B4GALNT2: variants seen among roughly 807,000 people sequenced by gnomAD.
B4GALNT2 encodes the protein N-acetylneuraminylgalactosylglucosyl-glucoside beta-1,4-N- acetylgalactosaminyltransferase 2.
B4GALNT2 carries 42 observed loss-of-function variants against 51.1 expected under a neutral mutation model. The observed-to-expected ratio is 0.82, with a 90% CI of 0.64 to 1.06. The LOEUF (loss-of-function observed/expected upper bound fraction) is 1.06. Ranked by LOEUF, B4GALNT2 falls within the 50% of genes least tolerant of loss-of-function variation. The pLI, the probability that B4GALNT2 is intolerant of heterozygous loss-of-function variation, is 0.00. For missense variants in B4GALNT2, 602 were observed against 633.6 expected (o/e 0.95, Z 0.54); for synonymous variants, 253 against 251.7 (o/e 1.01, Z -0.05).
At chr17:49,153,526 C>T (rs1395157206) in intron 4 of B4GALNT2, among the ~76,000 whole-genome samples, 4 of 148,452 alleles carry the variant, frequency 2.7e-5, no homozygotes, top group Admixed American at 1.3e-4. Context: ...TTTTTTATTG[C>T]GACGGAGTCT....
intron 1 of B4GALNT2, among the ~76,000 whole-genome samples, chr17:49,140,950 C>A (rs886354993): frequency 9.9e-5 from 15 of 151,988 alleles, no homozygotes; most frequent in Admixed American, 9.8e-4. Context: ...ATTTCTTGAC[C>A]GCGTGATCCG....
In B4GALNT2 at chr17:49,146,450, A is replaced by T. The variant is rs531095457; in HGVS notation, c.353+4278A>T. Among the ~76,000 whole-genome samples the T allele has an allele frequency of 3.3e-5, 5 of 152,274 alleles. No homozygotes were observed. The South Asian group carries it at 1.0e-3, about 32-fold the overall frequency. ...CTTAGCCACCCGAGTAGTTGGGATTAAAGGTGCACGCCACCACTCCCTGTT... is the reference window on the plus strand; with the variant it reads ...CTTAGCCACCCGAGTAGTTGGGATTTAAGGTGCACGCCACCACTCCCTGTT... On this transcript the variant is annotated intron_variant, in intron 3 of 10. Coordinates refer to ENST00000393354, the MANE Select transcript of B4GALNT2 (RefSeq NM_001159387.2).
In B4GALNT2 at chr17:49,147,306, C is replaced by T. The variant is rs1324622689; in HGVS notation, c.353+5134C>T. 3.3e-5 allele frequency among the ~76,000 whole-genome samples: 5 copies of T among 152,008 alleles called. No individual in the cohort carries two copies. In the South Asian group the frequency reaches 6.2e-4, roughly 19 times the overall value. On this transcript the variant is annotated intron_variant, in intron 3 of 10. Coordinates refer to ENST00000393354, the MANE Select transcript of B4GALNT2 (RefSeq NM_001159387.2). ...AAAAAGCAGCATGTGTAATGCTCCT[C>T]TAAGAAAAAGTTCATTTTTTTCCTC...
At chr17:49,136,343 T>C (rs991738686) in intron 1 of B4GALNT2, among the ~76,000 whole-genome samples, 5 of 151,800 alleles carry the variant, frequency 3.3e-5, no homozygotes, top group African/African-American at 7.2e-5. Context: ...TAGAAACATG[T>C]TCATTTAATA....
chr17:49,138,153 T>C (rs113528912), intron 1 of B4GALNT2, among the ~76,000 whole-genome samples: 17 of 152,344 alleles, frequency 1.1e-4, no homozygotes, highest in African/African-American at 4.1e-4. Flanking sequence ...TTAATCTCTC[T>C]AAATTTCCTA....
intron 3 of B4GALNT2, among the ~76,000 whole-genome samples, chr17:49,145,810 G>A (rs756712551): frequency 6.6e-6 from 1 of 152,104 alleles, no homozygotes; most frequent in Non-Finnish European, 1.5e-5. Flanking sequence ...TTGATAGCCC[G>A]GGTCAATCAC....
the B4GALNT2 span, among the ~76,000 whole-genome samples, chr17:49,126,624 G>A: frequency 5.2e-4 from 72 of 137,188 alleles, no homozygotes; most frequent in Non-Finnish European, 1.1e-3. Flanking sequence ...CTTTTAAATC[G>A]TACATTTCTT....
chr17:49,160,712 A>G, intron 7 of B4GALNT2, 71 bp downstream of exon 7: 1 of 1,348,904 alleles, frequency 7.4e-7, no homozygotes, highest in Non-Finnish European at 1.1e-6. Context: ...AGAAGGGATC[A>G]CCTCTGAGAC....
rs1165157982 is a variant in B4GALNT2 at position 49,169,835 on chromosome 17, T to A, written c.*107T>A. On this transcript the variant is annotated 3_prime_UTR_variant, in exon 11 of 11. Transcript: ENST00000393354. ...GTGAACGTTGTACCAAACCAGCTGG[T>A]GGGTAGGGAAAAGGGAAATGGCTCA... The A allele has an allele frequency of 8.9e-7, 1 of 1,125,820 alleles. No individual in the cohort carries two copies. The highest frequency in any genetic ancestry group is 2.7e-5 in the East Asian group (1 of 37,316). 69.7% of individuals were successfully genotyped at this position (1,125,820 alleles called of 1,614,324 possible). A position where few individuals can be genotyped will look rare whatever the true frequency, so the allele number is the denominator to read the frequency against.
At position 49,160,636 on chromosome 17, in the gene B4GALNT2, G is replaced by A. The variant is rs2042855484; in HGVS notation, c.761G>A (p.Gly254Glu). 1 of 1,613,798 alleles carries A rather than the reference G, an allele frequency of 6.2e-7. No homozygotes were observed. The highest frequency in any genetic ancestry group is 1.7e-5 in the Admixed American group (1 of 60,000). Residue 254 changes from glycine to glutamate, a missense_variant, in exon 7 of 11, where the codon GGA (glycine) becomes GAA (glutamate). Transcript: ENST00000393354. ...GTCATACCCAAGCTATACGACCCTG[G>A]ACCAGGTAAGGCCCTTGTCCTTGGG... ...HPVIPKLYDP[G>E]PERKLRNLVT...
chr17:49,154,010 C>CT lies in B4GALNT2; in HGVS notation c.460+1116dup, dbSNP rs999131987. 3.3e-3 allele frequency among the ~76,000 whole-genome samples: 460 copies of CT among 139,550 alleles called. 3 individuals are homozygous for CT. Among genetic ancestry groups the CT allele is most frequent in the African/African-American group, 9.7e-3 (360 of 37,278 alleles). 91.6% of individuals were successfully genotyped at this position (139,550 alleles called of 152,430 possible). ...AACATAAGCCACTCTGTAAAAAGTG[C>CT]TTTTTTTTTTTTGGGGACGGAGTCT... is the stretch of plus-strand genomic sequence containing the variant. On this transcript the variant is annotated intron_variant, in intron 4 of 10. Transcript: ENST00000393354.
intron 1 of B4GALNT2, among the ~76,000 whole-genome samples, chr17:49,135,772 G>C (rs2042584508): frequency 6.6e-6 from 1 of 151,384 alleles, no homozygotes. Flanking sequence ...CTCTAAAAAA[G>C]GAAAATCCTG....
intron 1 of B4GALNT2, among the ~76,000 whole-genome samples, chr17:49,140,565 T>C (rs1187046555): frequency 6.6e-6 from 1 of 152,204 alleles, no homozygotes; most frequent in African/African-American, 2.4e-5. Context: ...TATCCTGCCA[T>C]TTTTTACTTT....
rs1308537529 is a variant in B4GALNT2, at chr17:49,168,873, C to T, written c.1288C>T (p.Pro430Ser). The T allele has an allele frequency of 6.2e-7, 1 of 1,612,760 alleles. No individual in the cohort carries two copies. Among genetic ancestry groups the T allele is most frequent in the Non-Finnish European group, 8.5e-7 (1 of 1,179,958 alleles). ...GCGACTCCAAAGAGTTGGCTTTGAT[C>T]CCCGCCTGCAACGAGTGGCTCACTC... ...TERLQRVGFDPRLQRVAHSEF... is the reference protein window; with the variant it reads ...TERLQRVGFDSRLQRVAHSEF... The change falls in exon 10 of 11, where the codon CCC becomes TCC. Residue 430 changes from proline to serine, a missense_variant. Coordinates refer to ENST00000393354, the MANE Select transcript of B4GALNT2 (RefSeq NM_001159387.2).
chr17:49,144,742 G>A (rs901955894), intron 3 of B4GALNT2, among the ~76,000 whole-genome samples: 1 of 152,088 alleles, frequency 6.6e-6, no homozygotes, highest in African/African-American at 2.4e-5. Flanking sequence ...TATTAGTCAG[G>A]GTTTTCTTAG....
At chr17:49,168,215 T>TGCA (rs1411851811) in intron 9 of B4GALNT2, among the ~76,000 whole-genome samples, 1 of 152,102 alleles carries the variant, frequency 6.6e-6, no homozygotes, top group Non-Finnish European at 1.5e-5. Context: ...CTTCCATGAG[T>TGCA]GCATGGATAG....
chr17:49,131,079 T>C (rs559705092), upstream of B4GALNT2, among the ~76,000 whole-genome samples: 4 of 152,296 alleles, frequency 2.6e-5, no homozygotes, highest in African/African-American at 9.6e-5. Context: ...GAATGAGTCA[T>C]GAAAGATCTC....
intron 4 of B4GALNT2, among the ~76,000 whole-genome samples, chr17:49,155,752 C>T (rs998534970): frequency 3.3e-5 from 5 of 151,354 alleles, no homozygotes; most frequent in Non-Finnish European, 7.4e-5. Context: ...GAGACGCAGT[C>T]TTGCTCTGTC....
At position 49,141,281 on chromosome 17, in the gene B4GALNT2, A is replaced by C. The variant is rs577341474; in HGVS notation, c.49A>C (p.Ile17Leu). The C allele has an allele frequency of 9.2e-5, 148 of 1,614,052 alleles. 1 individual carries two copies. The highest frequency in any genetic ancestry group is 1.0e-4 in the Non-Finnish European group (120 of 1,180,012). The stretch of plus-strand genomic sequence containing the variant: ...TCTGTGGCTCCTCAAGATATTGGTC[A>C]TAATCCTGGTACTTGGCATTGTTGG... ...RFLWLLKILV[I>L]ILVLGIVGFM... Residue 17 changes from isoleucine (I) to leucine (L), a missense_variant, in exon 2 of 11, where the codon ATA (isoleucine) becomes CTA (leucine). Physicochemically the swap from Ile to Leu is conservative, Grantham distance 5. Transcript: ENST00000393354.
Sources: gnomAD v4.1 joint callset for allele counts (sites outside exome capture counted in the v4.1 genomes callset) on GRCh38, gnomAD v4.1.1 for gene constraint, MANE v1.5 for transcripts, NCBI Gene and HGNC (gene_info 2026-07-23, HGNC 2026-07-21) for gene names.